Variants in LHPP observed in about 807,000 individuals in gnomAD.
LHPP encodes the protein phospholysine phosphohistidine inorganic pyrophosphate phosphatase.
A neutral mutation model predicts 30.3 loss-of-function variants in LHPP; 24 were observed. That is an observed-to-expected ratio of 0.79 (90% CI 0.57 to 1.11). The LOEUF (loss-of-function observed/expected upper bound fraction) is 1.11, where lower values mean the gene tolerates loss of function less well. Ranked by LOEUF, LHPP falls within the 50% of genes most tolerant of loss-of-function variation. LHPP has a pLI of 0.00. For missense variants in LHPP, 356 were observed against 367.2 expected, an observed-to-expected ratio of 0.97 and a Z score of 0.25; for synonymous variants, 150 against 157.1, an observed-to-expected ratio of 0.95 and a Z score of 0.34.
At position 124,483,330 on chromosome 10, in the gene LHPP, C is replaced by T. The variant is rs998307909; in HGVS notation, c.126-809C>T. Reference sequence around the variant, plus strand: ...GGATCCAGAGTTAGTAAGGCGTGGACGTGTGCAGCTCACTTGCAAGTGGAA... The same window carrying T: ...GGATCCAGAGTTAGTAAGGCGTGGATGTGTGCAGCTCACTTGCAAGTGGAA... On this transcript the variant is annotated intron_variant, in intron 1 of 6. Coordinates refer to ENST00000368842, the MANE Select transcript of LHPP (RefSeq NM_022126.4). Among the ~76,000 whole-genome samples the T allele has an allele frequency of 1.6e-4, 24 of 152,118 alleles. 1 individual carries two copies. Among genetic ancestry groups the T allele is most frequent in the Admixed American group, 5.2e-4 (8 of 15,262 alleles).
chr10:124,470,391 G>C (rs61861921), intron 1 of LHPP, among the ~76,000 whole-genome samples: 2 of 152,042 alleles, frequency 1.3e-5, no homozygotes, highest in African/African-American at 2.4e-5. Flanking sequence ...CGCCCCGATC[G>C]ATCGGCCTGG....
intron 6 of LHPP, among the ~76,000 whole-genome samples, chr10:124,588,089 C>T (rs940966060): frequency 1.1e-4 from 17 of 152,350 alleles, no homozygotes; most frequent in Admixed American, 9.8e-4. Context: ...GTGTTCTGTA[C>T]AGAGAGCAGA....
intron 6 of LHPP, among the ~76,000 whole-genome samples, chr10:124,518,460 G>A (rs902101339): frequency 2.6e-5 from 4 of 152,234 alleles, no homozygotes; most frequent in Admixed American, 2.6e-4. Flanking sequence ...TCCGCTGACA[G>A]CGGACCTCGG....
At chr10:124,502,340 G>A (rs1953927736) in intron 5 of LHPP, among the ~76,000 whole-genome samples, 1 of 151,588 alleles carries the variant, frequency 6.6e-6, no homozygotes, top group African/African-American at 2.4e-5. Flanking sequence ...GTTCTCTACT[G>A]TCATTGCTAT....
intron 6 of LHPP, among the ~76,000 whole-genome samples, chr10:124,565,583 C>T (rs901593148): frequency 4.6e-5 from 7 of 152,208 alleles, no homozygotes; most frequent in African/African-American, 1.7e-4. Flanking sequence ...TTAAGGGACG[C>T]ACTGGGGAGG....
intron 6 of LHPP, among the ~76,000 whole-genome samples, chr10:124,599,438 A>T (rs1211371630): frequency 6.6e-6 from 1 of 152,198 alleles, no homozygotes; most frequent in Non-Finnish European, 1.5e-5. Context: ...CCAAGGTCAC[A>T]CAGAGCTCAG....
chr10:124,568,824 A>G (rs1037742556), intron 6 of LHPP, among the ~76,000 whole-genome samples: 2 of 152,164 alleles, frequency 1.3e-5, no homozygotes, highest in African/African-American at 4.8e-5. Flanking sequence ...TTTTTAAACA[A>G]CAGTCCTGCT....
At chr10:124,484,436 C>A in intron 2 of LHPP, 110 bp downstream of exon 2, 1 of 1,060,464 alleles carries the variant, frequency 9.4e-7, no homozygotes, top group Non-Finnish European at 1.4e-6. Context: ...CTGAGCTAGG[C>A]CACCAACACT....
chr10:124,601,927 G>A (rs1036566431), intron 6 of LHPP, among the ~76,000 whole-genome samples: 1 of 152,172 alleles, frequency 6.6e-6, no homozygotes, highest in African/African-American at 2.4e-5. Context: ...ACCAGGCCCT[G>A]CGTGCACTCG....
At chr10:124,534,751 G>A (rs1352203820) in intron 6 of LHPP, among the ~76,000 whole-genome samples, 1 of 152,318 alleles carries the variant, frequency 6.6e-6, no homozygotes, top group African/African-American at 2.4e-5. Flanking sequence ...CTGCTGCGGC[G>A]AGGGGGGTGC....
intron 6 of LHPP, among the ~76,000 whole-genome samples, chr10:124,600,964 G>A (rs1949013193): frequency 6.6e-6 from 1 of 152,224 alleles, no homozygotes; most frequent in South Asian, 2.1e-4. Flanking sequence ...GCAGATTGAT[G>A]GGTGCTTTGA....
At position 124,484,285 on chromosome 10, in the gene LHPP, T is replaced by C. The variant is rs766371253; in HGVS notation, c.272T>C (p.Leu91Pro). The C allele has an allele frequency of 1.2e-6, 2 of 1,614,020 alleles. No homozygotes were observed. The highest frequency in any genetic ancestry group is 1.7e-5 in the Admixed American group (1 of 60,008). Residue 91 changes from leucine to proline, a missense_variant, in exon 2 of 7, where the codon CTG becomes CCG. By Grantham distance (98) the Leu-to-Pro change is moderately conservative. Transcript: ENST00000368842. Reference protein sequence around the residue: ...TAPAPAACQILKEQGLRPYLL... With the variant: ...TAPAPAACQIPKEQGLRPYLL... The stretch of plus-strand genomic sequence containing the variant: ...CCGGCACCAGCTGCCTGCCAGATCC[T>C]GAAGGAGCAAGGCCTGCGACCATAC...
chr10:124,571,721 C>G (rs141049202), intron 6 of LHPP, among the ~76,000 whole-genome samples: 126 of 152,306 alleles, frequency 8.3e-4, no homozygotes, highest in Non-Finnish European at 1.5e-3. Flanking sequence ...TAACCGTGTT[C>G]CCTGGCTGGC....
chr10:124,470,334 G>A (rs534947102), intron 1 of LHPP, among the ~76,000 whole-genome samples: 3 of 152,248 alleles, frequency 2.0e-5, no homozygotes, highest in South Asian at 4.1e-4. Flanking sequence ...GCGGAAGGAA[G>A]AAGACTTGGC....
intron 6 of LHPP, among the ~76,000 whole-genome samples, chr10:124,525,941 G>C (rs903073266): frequency 2.0e-5 from 3 of 152,202 alleles, no homozygotes; most frequent in African/African-American, 7.2e-5. Flanking sequence ...AGCTGAGGAA[G>C]GGGGTCCCAG....
chr10:124,489,542 C>T (rs1303581396), intron 3 of LHPP, among the ~76,000 whole-genome samples: 2 of 152,114 alleles, frequency 1.3e-5, no homozygotes, highest in Non-Finnish European at 2.9e-5. Flanking sequence ...GCAACCTCTC[C>T]CTCCCGGGTT....
intron 6 of LHPP, among the ~76,000 whole-genome samples, chr10:124,530,312 C>A (rs1482727640): frequency 1.3e-5 from 2 of 152,120 alleles, no homozygotes; most frequent in African/African-American, 2.4e-5. Context: ...CACAAGAGGG[C>A]GCCTTGCTGC....
At chr10:124,580,555 G>A (rs1412202246) in intron 6 of LHPP, among the ~76,000 whole-genome samples, 1 of 152,152 alleles carries the variant, frequency 6.6e-6, no homozygotes, top group Non-Finnish European at 1.5e-5. Flanking sequence ...CCTCTGTCAT[G>A]TCAGCTTTTC....
intron 6 of LHPP, among the ~76,000 whole-genome samples, chr10:124,555,295 C>T (rs1332685307): frequency 1.3e-5 from 2 of 152,184 alleles, no homozygotes; most frequent in Non-Finnish European, 2.9e-5. Flanking sequence ...CAGGAGGCAC[C>T]CTTGCCAGGG....
Sources: allele counts gnomAD v4.1 joint callset (sites outside exome capture counted in the v4.1 genomes callset), GRCh38; gene constraint gnomAD v4.1.1; transcripts MANE v1.5; gene names NCBI Gene and HGNC (gene_info 2026-07-23, HGNC 2026-07-21).